ACOD1: variants seen among roughly 807,000 people sequenced by gnomAD.
ACOD1 encodes the protein aconitate decarboxylase 1.
ACOD1 carries 14 observed loss-of-function variants against 14.2 expected under a neutral mutation model. The observed-to-expected ratio is 0.99, with a 90% CI of 0.65 to 1.54. ACOD1 has a LOEUF of 1.54. Ranked by LOEUF, ACOD1 falls within the 40% of genes most tolerant of loss-of-function variation. The probability of loss-of-function intolerance (pLI) is 0.00; values close to 1 mark genes in which losing one functional copy is unlikely to be tolerated. For missense variants in ACOD1, 530 were observed against 586.3 expected (o/e 0.90, Z 0.99); for synonymous variants, 182 against 221.7 (o/e 0.82, Z 1.59).
Position 76,953,702 on chromosome 13 carries a change from T to C in ACOD1, c.264+13T>C. ...GAACGGTGTGGCTGTAAGGAGGTTT[T>C]CACGTCTTTTCAACTATTAGATAAT... On this transcript the variant is annotated intron_variant, in intron 3 of 4. Transcript: ENST00000377462. 2 of 1,449,310 alleles carry C rather than the reference T, an allele frequency of 1.4e-6. No homozygotes were observed. Among genetic ancestry groups the C allele is most frequent in the Non-Finnish European group, 1.9e-6 (2 of 1,055,992 alleles). 89.8% of individuals were successfully genotyped at this position (1,449,310 alleles called of 1,614,324 possible).
intron 3 of ACOD1, among the ~76,000 whole-genome samples, chr13:76,954,585 C>A (rs1321949943): frequency 6.6e-6 from 1 of 152,160 alleles, no homozygotes; most frequent in East Asian, 1.9e-4. Flanking sequence ...AAACGTATGG[C>A]CTCATATGGA....
chr13:76,953,065 T>C (rs560016173), intron 2 of ACOD1, among the ~76,000 whole-genome samples: 1 of 152,254 alleles, frequency 6.6e-6, no homozygotes, highest in South Asian at 2.1e-4. Context: ...CACTTGAGCC[T>C]GAGAGGTTGG....
At chr13:76,954,274 G>C (rs550374708) in intron 3 of ACOD1, among the ~76,000 whole-genome samples, 1 of 152,308 alleles carries the variant, frequency 6.6e-6, no homozygotes, top group African/African-American at 2.4e-5. Flanking sequence ...GGGTACAATA[G>C]CTCAGGAGAT....
Position 76,953,708 on chromosome 13 carries a change from C to G in ACOD1, c.264+19C>G, listed in dbSNP as rs1172284400. On this transcript the variant is annotated intron_variant, in intron 3 of 4. Transcript: ENST00000377462. ...TGTGGCTGTAAGGAGGTTTTCACGTCTTTTCAACTATTAGATAATCATAAT... is the reference window on the plus strand; with the variant it reads ...TGTGGCTGTAAGGAGGTTTTCACGTGTTTTCAACTATTAGATAATCATAAT... 1 of 1,379,698 alleles carries G rather than the reference C, an allele frequency of 7.2e-7. No homozygotes were observed. Among genetic ancestry groups the G allele is most frequent in the African/African-American group, 1.4e-5 (1 of 69,512 alleles). 85.5% of individuals were successfully genotyped at this position (1,379,698 alleles called of 1,614,324 possible).
At chr13:76,955,141 A>C (rs1033895228) in intron 3 of ACOD1, among the ~76,000 whole-genome samples, 178 bp from the exon 4 acceptor site, 5,708 of 149,044 alleles carry the variant, frequency 0.038, 413 homozygotes, top group African/African-American at 0.13. Context: ...AAAAAAAAAA[A>C]AAAAAAAAAA....
At chr13:76,953,375 C>T (rs568835889) in intron 2 of ACOD1, among the ~76,000 whole-genome samples, 30 of 152,178 alleles carry the variant, frequency 2.0e-4, no homozygotes, top group Admixed American at 7.9e-4. Context: ...GGAGCACTTC[C>T]GGATCATGAT....
At chr13:76,948,595 A>G in intron 1 of ACOD1, 25 bp downstream of exon 1, 1 of 1,441,428 alleles carries the variant, frequency 6.9e-7, no homozygotes, top group Non-Finnish European at 9.3e-7. Flanking sequence ...TATGTGACTT[A>G]CTTAAATTGC....
At chr13:76,950,159 G>C (rs1477206231) in intron 1 of ACOD1, among the ~76,000 whole-genome samples, 1 of 152,134 alleles carries the variant, frequency 6.6e-6, no homozygotes, top group Non-Finnish European at 1.5e-5. Context: ...CTCTGTCCTG[G>C]CACTGAGCTC....
Position 76,955,069 on chromosome 13 carries a change from G to A in ACOD1, c.265-250G>A, listed in dbSNP as rs2033858880. 8.4e-5 allele frequency among the ~76,000 whole-genome samples: 12 copies of A among 142,380 alleles called. No individual in the cohort carries two copies. The Admixed American group carries it at 8.8e-4, about 10-fold the overall frequency. 93.4% of individuals were successfully genotyped at this position (142,380 alleles called of 152,430 possible). The stretch of plus-strand genomic sequence containing the variant: ...TTGAACCCAGGAGGCAGAGGTTGCA[G>A]TGAGCCAGGATCATGCCACTGCACT... On this transcript the variant is annotated intron_variant, in intron 3 of 4. Transcript: ENST00000377462.
At chr13:76,949,647 A>T (rs1267433229) in intron 1 of ACOD1, among the ~76,000 whole-genome samples, 1 of 151,996 alleles carries the variant, frequency 6.6e-6, no homozygotes, top group Non-Finnish European at 1.5e-5. Context: ...CCAGTCTCAC[A>T]TTCCTCCATA....
At chr13:76,955,244 C>T in intron 3 of ACOD1, 75 bp from the exon 4 acceptor site, 1 of 1,044,868 alleles carries the variant, frequency 9.6e-7, no homozygotes. Context: ...TAAACTAAGT[C>T]CTTAGTGGTC....
chr13:76,954,745 A>T (rs903587565), intron 3 of ACOD1, among the ~76,000 whole-genome samples: 2 of 152,174 alleles, frequency 1.3e-5, no homozygotes, highest in African/African-American at 4.8e-5. Context: ...GGCAAGACCC[A>T]AGCTCCTTGG....
In ACOD1 at chr13:76,953,617, A is replaced by G. The variant is rs925172929; in HGVS notation, c.192A>G (p.Ile64Met). Residue 64 changes from isoleucine to methionine, a missense_variant, in exon 3 of 5, where the codon ATA becomes ATG. Ile to Met is a conservative substitution (Grantham distance 10, BLOSUM62 1). Coordinates refer to ENST00000377462, the MANE Select transcript of ACOD1 (RefSeq NM_001258406.2). ...SQYSKIYSSN[I>M]SSTVWGQPDI... is the part of the protein sequence containing the mutation. The stretch of plus-strand genomic sequence containing the variant: ...TGTTCCAGATCTACAGTTCCAACAT[A>G]TCCAGCACTGTTTGGGGTCAGCCAG... The G allele has an allele frequency of 6.5e-7, 1 of 1,547,862 alleles. No homozygotes were observed. Among genetic ancestry groups the G allele is most frequent in the East Asian group, 2.4e-5 (1 of 40,892 alleles).
At chr13:76,948,719 T>C (rs1490858231) in intron 1 of ACOD1, 149 bp downstream of exon 1, 1 of 614,146 alleles carries the variant, frequency 1.6e-6, no homozygotes, top group East Asian at 2.9e-5. Context: ...ATTAACTGCA[T>C]GGTGGCTTTC....
chr13:76,953,443 C>T (rs1593890314), intron 2 of ACOD1, among the ~76,000 whole-genome samples, 157 bp from the exon 3 acceptor site: 1 of 152,272 alleles, frequency 6.6e-6, no homozygotes, highest in South Asian at 2.1e-4. Context: ...GTGTATTCTA[C>T]AAGGATGAGA....
At position 76,957,169 on chromosome 13, in the gene ACOD1, C is replaced by T. The variant is rs1294214038; in HGVS notation, c.630C>T (p.His210=). 5.2e-6 allele frequency: 8 copies of T among 1,550,676 alleles called. No homozygotes were observed. The Admixed American group carries it at 9.8e-5, about 19-fold the overall frequency. Residue 210 remains histidine (H), a synonymous_variant, in exon 5 of 5, where the codon CAC becomes CAT. Transcript: ENST00000377462. Reference sequence around the variant, plus strand: ...CTGCCACCCAGACCAAGCCCCTCCACATTGGCAATGCTGCCAAGCATGGGA... The same window carrying T: ...CTGCCACCCAGACCAAGCCCCTCCATATTGGCAATGCTGCCAAGCATGGGA... The part of the protein sequence containing the change: ...ANAATQTKPL[H]IGNAAKHGIE...
rs1271106427 is a variant in ACOD1 at position 76,955,369 on chromosome 13, T to C, written c.315T>C (p.Ser105=). 2 of 1,550,518 alleles carry C rather than the reference T, an allele frequency of 1.3e-6. No homozygotes were observed. The highest frequency in any genetic ancestry group is 2.4e-5 in the East Asian group (1 of 40,930). ...DDTWHPATHP[S]GAVLPVLTAL... ...CGTGGCACCCTGCCACCCACCCTTC[T>C]GGGGCTGTCCTTCCTGTCCTCACAG... Residue 105 remains serine (S), a synonymous_variant, in exon 4 of 5, where the codon TCT becomes TCC. Coordinates refer to ENST00000377462, the MANE Select transcript of ACOD1 (RefSeq NM_001258406.2).
At chr13:76,951,833 G>A (rs1437618370) in intron 1 of ACOD1, among the ~76,000 whole-genome samples, 2 of 152,032 alleles carry the variant, frequency 1.3e-5, no homozygotes, top group Non-Finnish European at 2.9e-5. Flanking sequence ...TCTGGAGTGG[G>A]GACCAGAAAT....
chr13:76,957,370 T>A lies in ACOD1; in HGVS notation c.831T>A (p.His277Gln). 1 of 1,550,634 alleles carries A rather than the reference T, an allele frequency of 6.4e-7. No individual in the cohort carries two copies. The highest frequency in any genetic ancestry group is 8.7e-7 in the Non-Finnish European group (1 of 1,147,010). ...QDVAFKRFPA[H>Q]LSTHWVADAA... ...TGGCCTTTAAGCGTTTTCCTGCACATTTATCTACCCACTGGGTGGCAGACG... is the reference window on the plus strand; with the variant it reads ...TGGCCTTTAAGCGTTTTCCTGCACAATTATCTACCCACTGGGTGGCAGACG... The change falls in exon 5 of 5, where the codon CAT (histidine) becomes CAA (glutamine). Residue 277 changes from histidine to glutamine, a missense_variant. Transcript: ENST00000377462.
Sources: allele counts gnomAD v4.1 joint callset (sites outside exome capture counted in the v4.1 genomes callset), GRCh38; gene constraint gnomAD v4.1.1; transcripts MANE v1.5; gene names NCBI Gene and HGNC (gene_info 2026-07-23, HGNC 2026-07-21).